Variants in PTPRT observed in about 807,000 individuals in gnomAD.
PTPRT encodes the protein protein tyrosine phosphatase receptor type T.
Under a neutral mutation model 176.8 loss-of-function variants are expected in PTPRT, and 56 were observed. That is an observed-to-expected ratio of 0.32 (90% CI 0.26 to 0.40). PTPRT has a LOEUF of 0.40. PTPRT is among the 10% of genes least tolerant of loss of function. The pLI, the probability that PTPRT is intolerant of heterozygous loss-of-function variation, is 1.00. For synonymous variants in PTPRT, 783 were observed against 739.0 expected, an observed-to-expected ratio of 1.06 and a Z score of -0.96; for missense variants, 1,540 against 1,908.2, an observed-to-expected ratio of 0.81 and a Z score of 3.60.
intron 7 of PTPRT, among the ~76,000 whole-genome samples, chr20:42,477,475 T>G (rs1025335473): frequency 9.9e-5 from 15 of 152,202 alleles, no homozygotes; most frequent in Non-Finnish European, 7.3e-5. Flanking sequence ...GAAGCATTCA[T>G]GCTTTCAGTC....
chr20:42,445,373 C>A (rs2059353498), intron 9 of PTPRT, among the ~76,000 whole-genome samples: 1 of 152,160 alleles, frequency 6.6e-6, no homozygotes, highest in Non-Finnish European at 1.5e-5. Flanking sequence ...CTTGATTTTT[C>A]TGATAAAAGA....
chr20:42,861,607 G>C (rs1006178462), intron 2 of PTPRT, among the ~76,000 whole-genome samples: 14 of 151,450 alleles, frequency 9.2e-5, no homozygotes, highest in African/African-American at 2.2e-4. Flanking sequence ...TGTTCTCTTA[G>C]GGAAAACAGT....
chr20:42,122,736 C>T (rs1261485874), intron 19 of PTPRT, among the ~76,000 whole-genome samples: 1 of 152,206 alleles, frequency 6.6e-6, no homozygotes, highest in Non-Finnish European at 1.5e-5. Context: ...TCCTCTTGCA[C>T]ACTGAGTGTG....
At chr20:42,724,271 G>C (rs76058916) in intron 6 of PTPRT, among the ~76,000 whole-genome samples, 1,525 of 152,274 alleles carry the variant, frequency 0.01, 14 homozygotes, top group Non-Finnish European at 0.014. Context: ...CCAGCTGTGT[G>C]GTTGTTTCAA....
At chr20:43,117,539 C>A (rs1269447651) in intron 1 of PTPRT, among the ~76,000 whole-genome samples, 3 of 152,062 alleles carry the variant, frequency 2.0e-5, no homozygotes, top group Admixed American at 6.6e-5. Context: ...CAGCCAAGAG[C>A]CAGCCTGGTG....
At chr20:42,236,617 C>T (rs114222305) in intron 14 of PTPRT, among the ~76,000 whole-genome samples, 1,889 of 134,202 alleles carry the variant, frequency 0.014, 44 homozygotes, top group African/African-American at 0.05. Context: ...TTTTGGTCGG[C>T]GGGGTGCAGG....
In PTPRT at chr20:43,068,837, A is replaced by G. The variant is rs536031758; in HGVS notation, c.88+120809T>C. On this transcript the variant is annotated intron_variant, in intron 1 of 30. Transcript: ENST00000373187. ...GCCAGGTGAAAAGATAGCCATGGAA[A>G]GGGTACAGTCAGTGGCACCAAATGC... 1.3e-5 allele frequency among the ~76,000 whole-genome samples: 2 copies of G among 152,312 alleles called. 1 individual carries two copies. The highest frequency in any genetic ancestry group is 4.1e-4 in the South Asian group (2 of 4,832).
chr20:42,963,171 C>T (rs149271786), intron 1 of PTPRT, among the ~76,000 whole-genome samples: 53 of 152,002 alleles, frequency 3.5e-4, no homozygotes, highest in African/African-American at 1.2e-3. Flanking sequence ...TGCGCTCCAG[C>T]CTGGGTGACA....
chr20:42,541,828 T>A (rs923386878), intron 7 of PTPRT, among the ~76,000 whole-genome samples: 1 of 146,686 alleles, frequency 6.8e-6, no homozygotes, highest in Non-Finnish European at 1.5e-5. Flanking sequence ...TTTTAAAAAA[T>A]TTTAAATTTA....
At chr20:42,554,584 T>C (rs1356341112) in intron 7 of PTPRT, among the ~76,000 whole-genome samples, 4 of 152,154 alleles carry the variant, frequency 2.6e-5, no homozygotes, top group African/African-American at 9.7e-5. Context: ...ATCTTTCTCA[T>C]GTTGTCAGTC....
At chr20:42,230,353 G>A (rs549644720) in intron 15 of PTPRT, among the ~76,000 whole-genome samples, 39 of 152,232 alleles carry the variant, frequency 2.6e-4, no homozygotes, top group African/African-American at 7.0e-4. Context: ...AAACACCTTC[G>A]CGCTTTCTCA....
intron 13 of PTPRT, among the ~76,000 whole-genome samples, chr20:42,276,557 A>G (rs1183645858): frequency 1.2e-5 from 1 of 86,114 alleles, no homozygotes; most frequent in Non-Finnish European, 2.4e-5. Flanking sequence ...ATATATATAT[A>G]TAATGTTCTT....
intron 2 of PTPRT, among the ~76,000 whole-genome samples, chr20:42,798,031 A>T (rs1213095060): frequency 6.6e-6 from 1 of 152,192 alleles, no homozygotes; most frequent in African/African-American, 2.4e-5. Context: ...AATTTGTGGT[A>T]ATTTGTTACA....
intron 7 of PTPRT, among the ~76,000 whole-genome samples, chr20:42,474,816 T>C (rs1288942293): frequency 6.6e-6 from 1 of 152,080 alleles, no homozygotes; most frequent in East Asian, 1.9e-4. Context: ...GCCTGTCCAC[T>C]TGTCCAGGTG....
intron 9 of PTPRT, among the ~76,000 whole-genome samples, chr20:42,386,793 G>A (rs967432100): frequency 1.3e-5 from 2 of 152,156 alleles, no homozygotes; most frequent in East Asian, 1.9e-4. Context: ...CCAGGAGGCG[G>A]AAGTTGCAGT....
In PTPRT at chr20:42,345,610, GTGTGTGTGTA is replaced by G. The variant is rs1234327742; in HGVS notation, c.1865+5008_1865+5017del. Among the ~76,000 whole-genome samples, 111 of 140,952 alleles carry G rather than the reference GTGTGTGTGTA, an allele frequency of 7.9e-4. 1 individual carries two copies. Among genetic ancestry groups the G allele is most frequent in the Non-Finnish European group, 1.1e-3 (70 of 63,212 alleles). The allele number at this position is 140,952 out of a possible 152,430, so 92.5% of individuals were successfully genotyped here. Reference sequence around the variant, plus strand: ...TGTGTGTGTGTGTGTGTGTGTGTGTGTGTGTGTGTATATATATGTATGATGCCAGACACTA... The same window carrying G: ...TGTGTGTGTGTGTGTGTGTGTGTGTGTATATATGTATGATGCCAGACACTA... On this transcript the variant is annotated intron_variant, in intron 11 of 30. Coordinates refer to ENST00000373187, the MANE Select transcript of PTPRT (RefSeq NM_007050.6).
chr20:42,815,162 C>CTTTCAAAA (rs1458455906), intron 2 of PTPRT, among the ~76,000 whole-genome samples: 1 of 152,088 alleles, frequency 6.6e-6, no homozygotes, highest in East Asian at 1.9e-4. Context: ...AGGCTTAGTC[C>CTTTCAAAA]TGAATTCATT....
chr20:42,256,551 C>T (rs2056643920), intron 13 of PTPRT, among the ~76,000 whole-genome samples: 1 of 149,796 alleles, frequency 6.7e-6, no homozygotes. Context: ...GATGTTGATA[C>T]AGGAAAAAAA....
the PTPRT span, among the ~76,000 whole-genome samples, chr20:42,050,291 T>C: frequency 1.3e-5 from 2 of 152,186 alleles, no homozygotes; most frequent in Non-Finnish European, 2.9e-5. Flanking sequence ...TTCCAAAGGA[T>C]TGGTAGCATT....
Sources: allele counts gnomAD v4.1 joint callset (sites outside exome capture counted in the v4.1 genomes callset), GRCh38; gene constraint gnomAD v4.1.1; transcripts MANE v1.5; gene names NCBI Gene and HGNC (gene_info 2026-07-23, HGNC 2026-07-21).